The following RGS6 variants were observed in gnomAD, a reference collection of about 807,000 sequenced individuals.
RGS6 encodes regulator of G protein signaling 6.
In RGS6, 30 loss-of-function variants were observed where a neutral mutation model predicts 78.5. The ratio of observed to expected loss-of-function variants is 0.38; its 90% confidence interval spans 0.29 to 0.52. RGS6 has a LOEUF of 0.52. Among genes scored for constraint, RGS6 ranks in the 20% least tolerant of loss-of-function variants. The pLI is 0.85. For synonymous variants in RGS6, 206 were observed against 206.0 expected (o/e 1.00, Z 0.00); for missense variants, 495 against 609.7 (o/e 0.81, Z 1.98).
intron 2 of RGS6, chr14:72,022,661 C>T (rs930015332): frequency 3.3e-5 from 5 of 152,222 alleles, no homozygotes; most frequent in Admixed American, 2.6e-4. Flanking sequence ...GACCAAGCTT[C>T]ACATACCCTG....
chr14:72,254,886 A>G (rs939292676), intron 2 of RGS6, among the ~76,000 whole-genome samples: 3 of 152,196 alleles, frequency 2.0e-5, no homozygotes, highest in East Asian at 1.9e-4. Context: ...CAACACCTAC[A>G]GTTAGTCTCA....
At chr14:72,332,450 A>G (rs2075257244) in intron 2 of RGS6, among the ~76,000 whole-genome samples, 1 of 152,236 alleles carries the variant, frequency 6.6e-6, no homozygotes, top group Non-Finnish European at 1.5e-5. Flanking sequence ...ATGGAGATCA[A>G]AACATCACTT....
intron 2 of RGS6, among the ~76,000 whole-genome samples, chr14:72,050,515 A>T (rs964965786): frequency 6.6e-6 from 1 of 152,160 alleles, no homozygotes; most frequent in African/African-American, 2.4e-5. Flanking sequence ...TTCATAGTGG[A>T]TGGTTGAAAT....
intron 2 of RGS6, among the ~76,000 whole-genome samples, chr14:72,168,451 T>C (rs948000680): frequency 2.6e-5 from 4 of 152,150 alleles, no homozygotes; most frequent in African/African-American, 9.7e-5. Context: ...CAGCCGCACA[T>C]TGGCTCCAGA....
intron 2 of RGS6, among the ~76,000 whole-genome samples, chr14:72,326,540 C>T (rs952392101): frequency 4.6e-5 from 7 of 152,074 alleles, no homozygotes; most frequent in African/African-American, 1.4e-4. Context: ...CTCCTTGCTT[C>T]TGCTCCTACC....
At chr14:71,975,895 A>G (rs7161596) in intron 2 of RGS6, among the ~76,000 whole-genome samples, 68,512 of 151,764 alleles carry the variant, frequency 0.45, 15,800 homozygotes, top group East Asian at 0.55. Flanking sequence ...TCTTTTCTGT[A>G]TTTTTTATTC....
intron 3 of RGS6, among the ~76,000 whole-genome samples, chr14:72,405,033 A>G (rs2092795853): frequency 6.6e-6 from 1 of 152,210 alleles, no homozygotes; most frequent in Admixed American, 6.5e-5. Context: ...GAATGAGACA[A>G]GGTTGCAGGG....
At chr14:72,048,831 A>T (rs911165665) in intron 2 of RGS6, among the ~76,000 whole-genome samples, 2 of 152,098 alleles carry the variant, frequency 1.3e-5, no homozygotes, top group Non-Finnish European at 2.9e-5. Flanking sequence ...TAATTTTTTT[A>T]AAAAATAGAG....
At chr14:72,024,665 G>A (rs1340562581) in intron 2 of RGS6, among the ~76,000 whole-genome samples, 1 of 152,150 alleles carries the variant, frequency 6.6e-6, no homozygotes, top group Non-Finnish European at 1.5e-5. Context: ...AGTCCCACAA[G>A]ATGGGCATAA....
chr14:72,103,922 C>T (rs928146846), intron 2 of RGS6, among the ~76,000 whole-genome samples: 7 of 152,166 alleles, frequency 4.6e-5, no homozygotes, highest in African/African-American at 1.2e-4. Context: ...GTGACTTGGT[C>T]GAGGATATTA....
At chr14:72,619,608 G>A in the RGS6 span, among the ~76,000 whole-genome samples, 4 of 152,218 alleles carry the variant, frequency 2.6e-5, no homozygotes, top group Middle Eastern at 3.4e-3. Context: ...TAGTGTCGCC[G>A]GGCCTGCGCC....
At chr14:72,256,883 TA>T (rs1257761626) in intron 2 of RGS6, among the ~76,000 whole-genome samples, 1 of 152,222 alleles carries the variant, frequency 6.6e-6, no homozygotes, top group East Asian at 1.9e-4. Context: ...AACAAATAAC[TA>T]CAGACAGCTG....
At chr14:72,343,069 A>T (rs941429905) in intron 2 of RGS6, among the ~76,000 whole-genome samples, 17 of 152,192 alleles carry the variant, frequency 1.1e-4, no homozygotes, top group Non-Finnish European at 2.2e-4. Flanking sequence ...TTTGCTGGTG[A>T]TGGGGATCAC....
At chr14:71,970,959 G>T (rs2093765977) in intron 2 of RGS6, among the ~76,000 whole-genome samples, 1 of 152,110 alleles carries the variant, frequency 6.6e-6, no homozygotes, top group Non-Finnish European at 1.5e-5. Context: ...GAGAGAGAAG[G>T]TGTAGGAGGC....
chr14:72,258,536 G>A (rs899004549), intron 2 of RGS6, among the ~76,000 whole-genome samples: 1 of 152,172 alleles, frequency 6.6e-6, no homozygotes, highest in African/African-American at 2.4e-5. Context: ...TCTGGGTTGC[G>A]TCTGAATTTG....
chr14:72,455,267 T>C (rs2095602182), intron 4 of RGS6, among the ~76,000 whole-genome samples: 1 of 152,230 alleles, frequency 6.6e-6, no homozygotes, highest in African/African-American at 2.4e-5. Flanking sequence ...ATTAACTGAG[T>C]ATTCTTGATG....
intron 2 of RGS6, among the ~76,000 whole-genome samples, chr14:72,271,775 C>T (rs1366876932): frequency 6.6e-6 from 1 of 152,178 alleles, no homozygotes; most frequent in Non-Finnish European, 1.5e-5. Flanking sequence ...GGGTGACAGG[C>T]TGCATTCCTT....
In RGS6 at chr14:72,307,843, C is replaced by A. The variant is rs906360702; in HGVS notation, c.85-44252C>A. Among the ~76,000 whole-genome samples the A allele has an allele frequency of 3.3e-5, 5 of 152,146 alleles. 1 individual carries two copies. The highest frequency in any genetic ancestry group is 6.3e-3 in the Middle Eastern group (2 of 316). On this transcript the variant is annotated intron_variant, in intron 2 of 17. Coordinates refer to ENST00000553525, the MANE Select transcript of RGS6 (RefSeq NM_001204424.2). ...TCTTTAAAATGACAAATTTTCCAAT[C>A]AAAGACTGTGACATGCATGTTATTT...
At chr14:71,879,601 A>C in the RGS6 span, among the ~76,000 whole-genome samples, 55 of 152,194 alleles carry the variant, frequency 3.6e-4, 1 homozygote, top group South Asian at 0.011. Flanking sequence ...GTCTCACAAG[A>C]TCTGATGGTT....
Sources: allele counts gnomAD v4.1 joint callset (sites outside exome capture counted in the v4.1 genomes callset), GRCh38; gene constraint gnomAD v4.1.1; transcripts MANE v1.5; gene names NCBI Gene and HGNC (gene_info 2026-07-23, HGNC 2026-07-21).